The following DLGAP1 variants were observed in gnomAD, a reference collection of about 807,000 sequenced individuals.
DLGAP1 encodes the protein disks large-associated protein 1.
A neutral mutation model predicts 90.8 loss-of-function variants in DLGAP1; 11 were observed. That is an observed-to-expected ratio of 0.12 (90% CI 0.08 to 0.20). The LOEUF (loss-of-function observed/expected upper bound fraction) is 0.20, where lower values mean the gene tolerates loss of function less well. DLGAP1 is among the 10% of genes least tolerant of loss of function. The pLI, the probability that DLGAP1 is intolerant of heterozygous loss-of-function variation, is 1.00. For synonymous variants in DLGAP1, 558 were observed against 540.7 expected, an observed-to-expected ratio of 1.03 and a Z score of -0.44; for missense variants, 1,050 against 1,333.8, an observed-to-expected ratio of 0.79 and a Z score of 3.31.
chr18:3,715,177 AAG>A (rs1226778940), intron 7 of DLGAP1, among the ~76,000 whole-genome samples: 7 of 152,230 alleles, frequency 4.6e-5, no homozygotes, highest in African/African-American at 1.7e-4. Flanking sequence ...TGGGTCAGAA[AAG>A]AGAGAACTGG....
chr18:3,521,454 T>C (rs1482830275), intron 10 of DLGAP1, among the ~76,000 whole-genome samples: 2 of 152,164 alleles, frequency 1.3e-5, no homozygotes, highest in Admixed American at 1.3e-4. Context: ...CGCCCACGGC[T>C]TCCCAAATCC....
At chr18:4,308,018 G>T (rs916148898) in intron 1 of DLGAP1, among the ~76,000 whole-genome samples, 2 of 152,008 alleles carry the variant, frequency 1.3e-5, no homozygotes, top group Non-Finnish European at 2.9e-5. Flanking sequence ...CCCGGCCGAG[G>T]GTTTGCTTTA....
chr18:3,512,272 A>G (rs575734103), intron 10 of DLGAP1, among the ~76,000 whole-genome samples: 1 of 152,174 alleles, frequency 6.6e-6, no homozygotes, highest in South Asian at 2.1e-4. Context: ...TTCTTTTTAC[A>G]TAAGTAAATC....
chr18:3,559,653 C>T (rs545303229), intron 9 of DLGAP1, among the ~76,000 whole-genome samples: 57 of 139,112 alleles, frequency 4.1e-4, no homozygotes, highest in Non-Finnish European at 1.1e-4. Context: ...TGCGGAGTCT[C>T]GTTCTGTCGC....
At chr18:3,736,088 G>C (rs2062625594) in intron 6 of DLGAP1, among the ~76,000 whole-genome samples, 2 of 152,160 alleles carry the variant, frequency 1.3e-5, no homozygotes, top group Non-Finnish European at 2.9e-5. Flanking sequence ...TTTAGAAAAG[G>C]ATGTAGAAAC....
intron 7 of DLGAP1, among the ~76,000 whole-genome samples, chr18:3,640,451 G>A (rs1248871809): frequency 1.3e-5 from 2 of 152,232 alleles, no homozygotes; most frequent in African/African-American, 2.4e-5. Flanking sequence ...GACAGCGGGC[G>A]CTCTCAGCTC....
chr18:3,932,297 C>T (rs528973312), intron 3 of DLGAP1, among the ~76,000 whole-genome samples: 1 of 152,154 alleles, frequency 6.6e-6, no homozygotes, highest in African/African-American at 2.4e-5. Flanking sequence ...ATCCCACCTC[C>T]CACAGATTGC....
intron 7 of DLGAP1, among the ~76,000 whole-genome samples, chr18:3,664,405 A>G (rs2059807638): frequency 6.6e-6 from 1 of 152,236 alleles, no homozygotes; most frequent in South Asian, 2.1e-4. Context: ...TAAGGTATGT[A>G]GCAACAGATG....
chr18:4,154,722 A>T (rs1419792053), intron 1 of DLGAP1, among the ~76,000 whole-genome samples: 1 of 152,156 alleles, frequency 6.6e-6, no homozygotes, highest in Non-Finnish European at 1.5e-5. Flanking sequence ...AGCCTCTCTC[A>T]GTTTTAATGT....
chr18:4,097,733 C>G (rs1056963981), intron 2 of DLGAP1, among the ~76,000 whole-genome samples: 1 of 152,134 alleles, frequency 6.6e-6, no homozygotes, highest in Non-Finnish European at 1.5e-5. Context: ...TCTTAACTTG[C>G]TAAAAACAAA....
In DLGAP1 at chr18:4,332,282, T is replaced by G. The variant is rs1000448130; in HGVS notation, c.-267+122724A>C. On this transcript the variant is annotated intron_variant, in intron 1 of 12. Coordinates refer to ENST00000315677, the MANE Select transcript of DLGAP1 (RefSeq NM_004746.4). ...CAATTTTGATCAGACAAATCATGAT[T>G]AGTAATTAGTTACAACATGCTCAAT... Among the ~76,000 whole-genome samples the G allele has an allele frequency of 3.5e-4, 53 of 151,926 alleles. 1 individual carries two copies. Among genetic ancestry groups the G allele is most frequent in the African/African-American group, 1.3e-3 (53 of 41,180 alleles).
intron 2 of DLGAP1, among the ~76,000 whole-genome samples, chr18:4,135,376 A>C (rs537311560): frequency 6.6e-6 from 1 of 152,294 alleles, no homozygotes; most frequent in Non-Finnish European, 1.5e-5. Context: ...CATAGGCCCT[A>C]AACATGGTCA....
At chr18:4,185,683 C>T (rs2077281620) in intron 1 of DLGAP1, among the ~76,000 whole-genome samples, 2 of 151,758 alleles carry the variant, frequency 1.3e-5, no homozygotes, top group Admixed American at 1.3e-4. Context: ...AGGTTGAATG[C>T]CATTGAGGGA....
rs181913609 is a variant in DLGAP1 at position 3,791,004 on chromosome 18, G to A, written c.1172+23055C>T. On this transcript the variant is annotated intron_variant, in intron 5 of 12. Coordinates refer to ENST00000315677, the MANE Select transcript of DLGAP1 (RefSeq NM_004746.4). ...AAACAAAAGAACCAACCAGGCTCCC[G>A]CAGATGTGGTTTCTGCCTCTCAGAA... Among the ~76,000 whole-genome samples the A allele has an allele frequency of 5.1e-3, 776 of 152,250 alleles. 5 individuals are homozygous for A. Among genetic ancestry groups the A allele is most frequent in the Non-Finnish European group, 6.0e-3 (408 of 68,032 alleles).
intron 7 of DLGAP1, among the ~76,000 whole-genome samples, chr18:3,642,767 T>C (rs1302266575): frequency 1.3e-5 from 2 of 152,254 alleles, no homozygotes; most frequent in East Asian, 3.8e-4. Context: ...AGCCTTCATA[T>C]CTTCTTGATA....
intron 9 of DLGAP1, among the ~76,000 whole-genome samples, chr18:3,556,871 G>A (rs771509625): frequency 6.6e-6 from 1 of 152,134 alleles, no homozygotes; most frequent in Non-Finnish European, 1.5e-5. Context: ...ATCTCAACAC[G>A]TTGGGAGGCC....
chr18:3,897,974 T>C (rs529224334), intron 3 of DLGAP1, among the ~76,000 whole-genome samples: 1 of 151,806 alleles, frequency 6.6e-6, no homozygotes, highest in East Asian at 1.9e-4. Flanking sequence ...TTTTGTATTT[T>C]TAGTAGAGAC....
chr18:4,413,079 G>C (rs1221014287), intron 1 of DLGAP1, among the ~76,000 whole-genome samples: 1 of 152,208 alleles, frequency 6.6e-6, no homozygotes, highest in African/African-American at 2.4e-5. Flanking sequence ...ATGGAGTATG[G>C]AGAAGTGCCA....
intron 1 of DLGAP1, among the ~76,000 whole-genome samples, chr18:4,315,124 T>C (rs555127108): frequency 6.6e-6 from 1 of 152,336 alleles, no homozygotes; most frequent in Non-Finnish European, 1.5e-5. Context: ...CTCCCAGTTC[T>C]GTCCCTCACT....
Sources: allele counts gnomAD v4.1 joint callset (sites outside exome capture counted in the v4.1 genomes callset), GRCh38; gene constraint gnomAD v4.1.1; transcripts MANE v1.5; gene names NCBI Gene and HGNC (gene_info 2026-07-23, HGNC 2026-07-21).